Variants in NOL4 observed in about 807,000 individuals in gnomAD.
NOL4 encodes nucleolar protein 4.
In NOL4, 17 loss-of-function variants were observed where a neutral mutation model predicts 75.9. The ratio of observed to expected loss-of-function variants is 0.22; its 90% CI spans 0.15 to 0.34. The LOEUF (loss-of-function observed/expected upper bound fraction) is 0.34. Among genes scored for constraint, NOL4 ranks in the 10% least tolerant of loss-of-function variants. NOL4 has a pLI of 1.00. For missense variants in NOL4, 614 were observed against 793.5 expected, an observed-to-expected ratio of 0.77 and a Z score of 2.72; for synonymous variants, 292 against 289.9, an observed-to-expected ratio of 1.01 and a Z score of -0.07.
At chr18:34,221,667 G>T in intron 1 of NOL4, 1 of 172,558 alleles carries the variant, frequency 5.8e-6, no homozygotes, top group Non-Finnish European at 1.2e-5. Context: ...TTTACTTTTG[G>T]TTCCCAATTT....
chr18:34,021,918 C>T (rs538123629), intron 5 of NOL4, among the ~76,000 whole-genome samples: 1 of 151,958 alleles, frequency 6.6e-6, no homozygotes, highest in Non-Finnish European at 1.5e-5. Flanking sequence ...GCCTGGCCAA[C>T]ATGGTGAAAC....
intron 1 of NOL4, among the ~76,000 whole-genome samples, chr18:34,134,354 A>T (rs1054644871): frequency 2.6e-5 from 4 of 151,878 alleles, no homozygotes; most frequent in Non-Finnish European, 5.9e-5. Context: ...ATATAATTAA[A>T]AAAGAGACTC....
chr18:34,173,526 G>A (rs1284373025), intron 1 of NOL4, among the ~76,000 whole-genome samples: 2 of 151,942 alleles, frequency 1.3e-5, no homozygotes, highest in African/African-American at 4.8e-5. Flanking sequence ...TATATAAAAT[G>A]TTTATTTGTT....
At chr18:34,142,852 T>C (rs964365724) in intron 1 of NOL4, among the ~76,000 whole-genome samples, 4 of 152,040 alleles carry the variant, frequency 2.6e-5, no homozygotes, top group Admixed American at 6.6e-5. Context: ...ATAAGAAATA[T>C]GCAATACAGT....
intron 1 of NOL4, among the ~76,000 whole-genome samples, chr18:34,215,364 C>A (rs1338251321): frequency 1.3e-5 from 2 of 152,084 alleles, no homozygotes; most frequent in Non-Finnish European, 2.9e-5. Flanking sequence ...ACCCATTATG[C>A]CAGGTACTGG....
intron 1 of NOL4, among the ~76,000 whole-genome samples, chr18:34,214,575 G>A (rs1209143950): frequency 1.3e-5 from 2 of 152,052 alleles, no homozygotes; most frequent in East Asian, 3.8e-4. Context: ...GAAGATTAAA[G>A]GGACTTTTTG....
At chr18:34,218,765 T>A (rs750319427) in intron 1 of NOL4, among the ~76,000 whole-genome samples, 46 of 152,236 alleles carry the variant, frequency 3.0e-4, no homozygotes, top group Non-Finnish European at 5.6e-4. Flanking sequence ...TGTGCTTCCA[T>A]CTCAGTGACC....
At chr18:34,062,808 C>T (rs1205053325) in intron 5 of NOL4, among the ~76,000 whole-genome samples, 1 of 152,020 alleles carries the variant, frequency 6.6e-6, no homozygotes, top group Non-Finnish European at 1.5e-5. Flanking sequence ...AGCCATAGTG[C>T]ATATTCATAT....
chr18:33,996,319 G>C (rs947769399), intron 6 of NOL4, among the ~76,000 whole-genome samples: 1 of 151,592 alleles, frequency 6.6e-6, no homozygotes, highest in Non-Finnish European at 1.5e-5. Context: ...AAAATGGAAG[G>C]ATACAAGATT....
chr18:34,039,699 T>C (rs897219433), intron 5 of NOL4, among the ~76,000 whole-genome samples: 3 of 152,014 alleles, frequency 2.0e-5, no homozygotes, highest in Non-Finnish European at 1.5e-5. Context: ...CAGCAAAACA[T>C]TGGCAAAATG....
At chr18:34,222,398 G>A in intron 1 of NOL4, 3 of 1,141,184 alleles carry the variant, frequency 2.6e-6, no homozygotes, top group Non-Finnish European at 3.2e-6. Flanking sequence ...CAACAGTCGC[G>A]GCAACGATCT....
intron 1 of NOL4, among the ~76,000 whole-genome samples, chr18:34,216,541 A>C (rs1251247396): frequency 6.6e-6 from 1 of 151,534 alleles, no homozygotes; most frequent in Admixed American, 6.6e-5. Context: ...TAGGAAAATA[A>C]TGTTTAAAAT....
chr18:33,952,359 A>G (rs2069296342), intron 8 of NOL4, among the ~76,000 whole-genome samples: 1 of 152,226 alleles, frequency 6.6e-6, no homozygotes, highest in Non-Finnish European at 1.5e-5. Context: ...GTGAACCAAG[A>G]GACAACCCAT....
chr18:34,122,511 A>G (rs2080190573), intron 2 of NOL4, among the ~76,000 whole-genome samples: 1 of 152,156 alleles, frequency 6.6e-6, no homozygotes, highest in Admixed American at 6.5e-5. Flanking sequence ...CCATCTTTCT[A>G]GTCACATTAT....
intron 5 of NOL4, among the ~76,000 whole-genome samples, chr18:34,064,994 C>G (rs989355558): frequency 6.6e-6 from 1 of 151,158 alleles, no homozygotes; most frequent in African/African-American, 2.4e-5. Context: ...GAAAAATATA[C>G]AATAGTTACT....
chr18:33,894,969 T>C (rs1048774727), intron 9 of NOL4, among the ~76,000 whole-genome samples: 1 of 152,088 alleles, frequency 6.6e-6, no homozygotes, highest in African/African-American at 2.4e-5. Context: ...AGAGAGTGAA[T>C]TTCAAATGTC....
intron 5 of NOL4, among the ~76,000 whole-genome samples, chr18:34,021,727 A>G (rs2075049211): frequency 6.6e-6 from 1 of 152,180 alleles, no homozygotes; most frequent in African/African-American, 2.4e-5. Context: ...GCAGAAAAAG[A>G]GGAGACAATT....
intron 5 of NOL4, among the ~76,000 whole-genome samples, chr18:34,073,799 G>T (rs1243558682): frequency 6.6e-6 from 1 of 151,892 alleles, no homozygotes; most frequent in Non-Finnish European, 1.5e-5. Flanking sequence ...CTAGGCATTT[G>T]TTTCTTCCAG....
chr18:33,909,842 A>C (rs1212885415), intron 9 of NOL4, among the ~76,000 whole-genome samples: 1 of 152,122 alleles, frequency 6.6e-6, no homozygotes, highest in Non-Finnish European at 1.5e-5. Flanking sequence ...TATAAAAAAA[A>C]AAATTATTTC....
Sources: gnomAD v4.1 joint callset for allele counts (sites outside exome capture counted in the v4.1 genomes callset) on GRCh38, gnomAD v4.1.1 for gene constraint, MANE v1.5 for transcripts, NCBI Gene and HGNC (gene_info 2026-07-23, HGNC 2026-07-21) for gene names.